CNBP: variants seen among roughly 807,000 people sequenced by gnomAD.
CNBP encodes cellular nucleic acid-binding protein.
In CNBP, 6 loss-of-function variants were observed where a neutral mutation model predicts 21.2. That is an observed-to-expected ratio of 0.28 (90% CI 0.16 to 0.56). CNBP has a LOEUF of 0.56. Ranked by LOEUF, CNBP falls within the 20% of genes least tolerant of loss-of-function variation. CNBP has a pLI of 0.93. For missense variants in CNBP, 112 were observed against 233.1 expected (o/e 0.48, Z 3.38); for synonymous variants, 61 against 74.9 (o/e 0.81, Z 0.96).
At chr3:129,176,188 C>CT (rs1937896023) in intron 1 of CNBP, among the ~76,000 whole-genome samples, 1 of 152,266 alleles carries the variant, frequency 6.6e-6, no homozygotes, top group African/African-American at 2.4e-5. Flanking sequence ...CTCCATGAGT[C>CT]TGTCTCATTG....
intron 1 of CNBP, among the ~76,000 whole-genome samples, chr3:129,175,826 A>G (rs1937866645): frequency 6.6e-6 from 1 of 152,234 alleles, no homozygotes; most frequent in Non-Finnish European, 1.5e-5. Context: ...AAACATTAAT[A>G]GCCTCCAAAT....
intron 1 of CNBP, among the ~76,000 whole-genome samples, chr3:129,181,657 A>AAAAAAAAAAAAAAG (rs1488685659): frequency 6.7e-6 from 1 of 149,092 alleles, no homozygotes; most frequent in Non-Finnish European, 1.5e-5. Context: ...CTCAGAAAAA[A>AAAAAAAAAAAAAAG]AAAAAGAAAA....
chr3:129,171,832 T>C, intron 1 of CNBP, 61 bp from the exon 2 acceptor site: 3 of 1,507,480 alleles, frequency 2.0e-6, no homozygotes, highest in Non-Finnish European at 1.8e-6. Context: ...TTTTATTCTC[T>C]ATTAAATGTA....
chr3:129,173,753 TCAAA>T lies in CNBP; in HGVS notation c.-14-1986_-14-1983del, dbSNP rs578155151. Reference sequence around the variant, plus strand: ...AATATTTTTACCCTTAATTCCACTGTCAAACAATGGCACACAAAGTCGTATTTTA... The same window carrying T: ...AATATTTTTACCCTTAATTCCACTGTCAATGGCACACAAAGTCGTATTTTA... On this transcript the variant is annotated intron_variant, in intron 1 of 4. Coordinates refer to ENST00000422453, the MANE Select transcript of CNBP (RefSeq NM_003418.5). Among the ~76,000 whole-genome samples, 12 of 152,290 alleles carry T rather than the reference TCAAA, an allele frequency of 7.9e-5. No homozygotes were observed. The East Asian group carries it at 2.1e-3, about 27-fold the overall frequency.
chr3:129,172,292 T>C (rs539562612), intron 1 of CNBP, among the ~76,000 whole-genome samples: 24 of 150,340 alleles, frequency 1.6e-4, no homozygotes, highest in African/African-American at 4.6e-4. Flanking sequence ...AGAGAAATAA[T>C]TGGTAGTGGC....
At position 129,168,117 on chromosome 3, in the gene CNBP, G is replaced by T. The variant is rs1218565474; in HGVS notation, c.*2336C>A. On this transcript the variant is annotated 3_prime_UTR_variant, in exon 5 of 5. Coordinates refer to ENST00000422453, the MANE Select transcript of CNBP (RefSeq NM_003418.5). Reference sequence around the variant, plus strand: ...AGAATCACACAGCAGCATGGAGGGGGAAAATGAACTATATGATGCTAACCG... The same window carrying T: ...AGAATCACACAGCAGCATGGAGGGGTAAAATGAACTATATGATGCTAACCG... 3.3e-5 allele frequency among the ~76,000 whole-genome samples: 5 copies of T among 152,160 alleles called. No homozygotes were observed. The highest frequency in any genetic ancestry group is 5.9e-5 in the Non-Finnish European group (4 of 68,036).
In CNBP at chr3:129,170,123, T is replaced by C. The variant is rs188684945; in HGVS notation, c.*330A>G. On this transcript the variant is annotated 3_prime_UTR_variant, in exon 5 of 5. Transcript: ENST00000422453. Reference sequence around the variant, plus strand: ...CACTTCCAGAATTGGTTTTACCTCCTACATGGGAACATGTTCAAGGAACCC... The same window carrying C: ...CACTTCCAGAATTGGTTTTACCTCCCACATGGGAACATGTTCAAGGAACCC... 223 of 307,752 alleles carry C rather than the reference T, an allele frequency of 7.2e-4. 1 individual carries two copies. The highest frequency in any genetic ancestry group is 9.7e-4 in the Middle Eastern group (1 of 1,030). 19.1% of individuals were successfully genotyped at this position (307,752 alleles called of 1,614,324 possible).
intron 1 of CNBP, among the ~76,000 whole-genome samples, chr3:129,172,652 G>GCAGACAGGCAGC (rs1937619690): frequency 9.1e-6 from 1 of 109,296 alleles, no homozygotes; most frequent in African/African-American, 3.4e-5. Context: ...AGGCAGGCAG[G>GCAGACAGGCAGC]CAGGCAGACA....
chr3:129,179,935 G>A (rs375970607), intron 1 of CNBP, among the ~76,000 whole-genome samples: 10 of 152,192 alleles, frequency 6.6e-5, no homozygotes, highest in South Asian at 6.2e-4. Context: ...AAACCCAGGA[G>A]GCAGAGGTTG....
At chr3:129,179,448 C>T (rs988236657) in intron 1 of CNBP, among the ~76,000 whole-genome samples, 4 of 152,116 alleles carry the variant, frequency 2.6e-5, no homozygotes, top group African/African-American at 4.8e-5. Flanking sequence ...CATCCATTTC[C>T]GCCTGCCCTG....
chr3:129,172,998 G>C (rs957517571), intron 1 of CNBP, among the ~76,000 whole-genome samples: 1 of 152,066 alleles, frequency 6.6e-6, no homozygotes, highest in Non-Finnish European at 1.5e-5. Context: ...ATATTCCTTA[G>C]AACAGATATG....
intron 1 of CNBP, among the ~76,000 whole-genome samples, chr3:129,181,663 G>A (rs9846888): frequency 0.13 from 7,179 of 54,362 alleles, 216 homozygotes; most frequent in South Asian, 0.16. Context: ...AAAAAAAAAA[G>A]AAAAACCCCT....
At chr3:129,171,946 G>A (rs763780153) in intron 1 of CNBP, among the ~76,000 whole-genome samples, 175 bp from the exon 2 acceptor site, 5 of 152,244 alleles carry the variant, frequency 3.3e-5, no homozygotes, top group South Asian at 2.1e-4. Flanking sequence ...TTGGGAGGCC[G>A]AGGTGGGTGG....
chr3:129,175,126 C>T (rs531667648), intron 1 of CNBP, among the ~76,000 whole-genome samples: 88 of 152,082 alleles, frequency 5.8e-4, no homozygotes, highest in African/African-American at 2.0e-3. Flanking sequence ...GAAATCAAGA[C>T]CATCCTGGCC....
At chr3:129,171,017 T>A in intron 4 of CNBP, 62 bp downstream of exon 4, 1 of 1,517,326 alleles carries the variant, frequency 6.6e-7, no homozygotes, top group Non-Finnish European at 8.9e-7. Flanking sequence ...CATTTATAGC[T>A]AATTCATCTC....
intron 1 of CNBP, among the ~76,000 whole-genome samples, chr3:129,182,778 T>G (rs1576930837): frequency 6.6e-6 from 1 of 152,198 alleles, no homozygotes; most frequent in East Asian, 1.9e-4. Context: ...CAGCCCCTTT[T>G]GGAATGGTAA....
At chr3:129,180,733 G>C (rs1194539338) in intron 1 of CNBP, among the ~76,000 whole-genome samples, 1 of 151,772 alleles carries the variant, frequency 6.6e-6, no homozygotes, top group Non-Finnish European at 1.5e-5. Flanking sequence ...CTTACTGTCA[G>C]GAGGCTAGGA....
chr3:129,171,248 T>C lies in CNBP; in HGVS notation c.247A>G (p.Ile83Val). 1 of 1,614,224 alleles carries C rather than the reference T, an allele frequency of 6.2e-7. No homozygotes were observed. Among genetic ancestry groups the C allele is most frequent in the Non-Finnish European group, 8.5e-7 (1 of 1,180,034 alleles). ...TTGGGCTCCTTGCAGTCCTTGGCAA[T>C]GTGGCCACCTCTACCGCAGTTATAG... ...ACYNCGRGGH[I>V]AKDCKEPKRE... Residue 83 changes from isoleucine to valine, a missense_variant, in exon 4 of 5, where the codon ATT (isoleucine) becomes GTT (valine). Transcript: ENST00000422453.
Position 129,169,267 on chromosome 3 carries a change from C to T in CNBP, c.*1186G>A, listed in dbSNP as rs749388189. 6.6e-6 allele frequency among the ~76,000 whole-genome samples: 1 copy of T among 152,096 alleles called. No individual in the cohort carries two copies. Among genetic ancestry groups the T allele is most frequent in the Non-Finnish European group, 1.5e-5 (1 of 67,998 alleles). ...CAAGCCTGCACTCCAGCCTGGGCGA[C>T]AAGAGTGAGACTCCGTCTCCAAAAC... On this transcript the variant is annotated 3_prime_UTR_variant, in exon 5 of 5. Transcript: ENST00000422453.
Sources: gnomAD v4.1 joint callset for allele counts (sites outside exome capture counted in the v4.1 genomes callset) on GRCh38, gnomAD v4.1.1 for gene constraint, MANE v1.5 for transcripts, NCBI Gene and HGNC (gene_info 2026-07-23, HGNC 2026-07-21) for gene names.